The following MOV10L1 variants were observed in gnomAD, a reference collection of about 807,000 sequenced individuals.
The protein encoded by MOV10L1 is RNA helicase Mov10l1.
Under a neutral mutation model 143.8 loss-of-function variants are expected in MOV10L1, and 110 were observed. The ratio of observed to expected loss-of-function variants is 0.76; its 90% CI spans 0.66 to 0.90. MOV10L1 has a LOEUF of 0.90. MOV10L1 is among the 40% of genes least tolerant of loss of function. The pLI is 0.00. For synonymous variants in MOV10L1, 593 were observed against 581.1 expected (o/e 1.02, Z -0.29); for missense variants, 1,406 against 1,526.8 (o/e 0.92, Z 1.32).
chr22:50,153,008 C>T (rs371724179), intron 21 of MOV10L1, 37 bp from the exon 22 acceptor site: 2 of 1,561,550 alleles, frequency 1.3e-6, no homozygotes, highest in African/African-American at 2.7e-5. Context: ...TGCCGGGTAC[C>T]ACCTTCCCCT....
rs1051487683 is a variant in MOV10L1 at position 50,158,825 on chromosome 22, C to G, written c.3216+619C>G. 6 of 152,544 alleles carry G rather than the reference C, an allele frequency of 3.9e-5. No individual in the cohort carries two copies. Among genetic ancestry groups the G allele is most frequent in the African/African-American group, 1.4e-4 (6 of 41,446 alleles). 9.4% of individuals were successfully genotyped at this position (152,544 alleles called of 1,614,324 possible). ...CCCCTAGGCCATCACAGTAACAGAT[C>G]ACCTGTACCGCGCGTGTGCTGACCG... On this transcript the variant is annotated intron_variant, in intron 23 of 26. Transcript: ENST00000262794. This position sits in a 1 kb window ranked among gnomAD's most constrained non-coding sequence, Gnocchi z 5.0.
chr22:50,101,398 G>A (rs1456165034), intron 3 of MOV10L1, among the ~76,000 whole-genome samples: 1 of 151,206 alleles, frequency 6.6e-6, no homozygotes, highest in Non-Finnish European at 1.5e-5. Context: ...TGTATTTTTA[G>A]TAGAGACGGG....
At chr22:50,096,398 G>A (rs2062590106) in intron 2 of MOV10L1, 1 of 152,184 alleles carries the variant, frequency 6.6e-6, no homozygotes, top group South Asian at 2.1e-4. Context: ...TCTGTTGATG[G>A]ACACTTGGGT....
chr22:50,149,789 C>T (rs2063247475), intron 20 of MOV10L1, 75 bp downstream of exon 20: 8 of 1,362,740 alleles, frequency 5.9e-6, no homozygotes, highest in Admixed American at 2.0e-5. Context: ...GCGATCCTGC[C>T]GGGAACAGTC....
At chr22:50,115,558 C>T (rs2062150446) in intron 8 of MOV10L1, among the ~76,000 whole-genome samples, 1 of 152,192 alleles carries the variant, frequency 6.6e-6, no homozygotes, top group East Asian at 1.9e-4. Context: ...CTCAAAAAAA[C>T]AAAAAGGTAC....
rs755848674 is a variant in MOV10L1, at chr22:50,120,511, A to G, written c.1464A>G (p.Arg488=). The change falls in exon 10 of 27, where the codon AGA becomes AGG. Residue 488 remains arginine (R), a synonymous_variant. Transcript: ENST00000262794. ...AACTTAATTTTTTAAGGAACTCAAG[A>G]CGACAACTTCCAAGTTTTCTTCCCC... ...VVVTAQKRNS[R]RQLPSFLPQY... is the part of the protein sequence containing the mutation. 4.4e-6 allele frequency: 7 copies of G among 1,609,178 alleles called. No individual in the cohort carries two copies. Among genetic ancestry groups the G allele is most frequent in the Non-Finnish European group, 5.9e-6 (7 of 1,176,560 alleles).
chr22:50,120,373 A>G (rs2062304457), intron 9 of MOV10L1, 129 bp from the exon 10 acceptor site: 8 of 640,454 alleles, frequency 1.2e-5, no homozygotes, highest in Non-Finnish European at 1.9e-5. Context: ...AGCTATTCAT[A>G]TATCAGTTCT....
rs1224732245 is a variant in MOV10L1, at chr22:50,090,080, G to A, written c.-9G>A. On this transcript the variant is annotated 5_prime_UTR_variant, in exon 1 of 27. Coordinates refer to ENST00000262794, the MANE Select transcript of MOV10L1 (RefSeq NM_018995.3). ...CGGCGGTGACGGCAGCCTAGGCCGG[G>A]CGAGGGCCATGCTGAGCCTCGCAGC... 2 of 1,289,190 alleles carry A rather than the reference G, an allele frequency of 1.6e-6. No homozygotes were observed. The highest frequency in any genetic ancestry group is 2.5e-5 in the South Asian group (1 of 40,134). The allele number at this position is 1,289,190 out of a possible 1,614,324, so 79.9% of individuals were successfully genotyped here.
intron 12 of MOV10L1, 117 bp from the exon 13 acceptor site, chr22:50,128,299 T>A (rs2062570055): frequency 1.6e-6 from 1 of 640,146 alleles, no homozygotes; most frequent in Admixed American, 2.9e-5. Context: ...TTTCAACTAA[T>A]TTTGCAGATA....
intron 2 of MOV10L1, chr22:50,094,285 G>A (rs1247658111): frequency 1.3e-5 from 2 of 151,744 alleles, no homozygotes; most frequent in African/African-American, 4.8e-5. Context: ...CTTCTTTTAG[G>A]TCCTGTAAAT....
intron 3 of MOV10L1, among the ~76,000 whole-genome samples, chr22:50,107,501 T>G (rs79891771): frequency 1.3e-5 from 2 of 152,158 alleles, no homozygotes; most frequent in African/African-American, 2.4e-5. Flanking sequence ...TTTTTTTTTT[T>G]GAGCTTCCAG....
intron 19 of MOV10L1, 121 bp from the exon 20 acceptor site, chr22:50,149,494 A>T: frequency 1.1e-6 from 1 of 886,818 alleles, no homozygotes; most frequent in Non-Finnish European, 1.7e-6. Flanking sequence ...CAGCTCCTGC[A>T]CACCCCTGGG....
In MOV10L1 at chr22:50,090,166, G is replaced by C. The variant is rs1192474039; in HGVS notation, c.78G>C (p.Leu26=). The change falls in exon 1 of 27, where the codon CTG becomes CTC. Residue 26 remains leucine, a synonymous_variant. Coordinates refer to ENST00000262794, the MANE Select transcript of MOV10L1 (RefSeq NM_018995.3). ...CCCCTAGGGAGGAAGCCGGGCAGCT[G>C]GAGCCCGAGCTCGCGGAAGGTGGCT... ...ADTPREEAGQ[L]EPELAEGDTK... 7.0e-7 allele frequency: 1 copy of C among 1,421,922 alleles called. No homozygotes were observed. The highest frequency in any genetic ancestry group is 9.2e-7 in the Non-Finnish European group (1 of 1,089,792). 88.1% of individuals were successfully genotyped at this position (1,421,922 alleles called of 1,614,324 possible).
chr22:50,139,149 G>T (rs1162211412), intron 15 of MOV10L1, among the ~76,000 whole-genome samples: 1 of 152,048 alleles, frequency 6.6e-6, no homozygotes, highest in African/African-American at 2.4e-5. Flanking sequence ...CAAGTTACCT[G>T]TTTTACCTCA....
intron 6 of MOV10L1, 115 bp downstream of exon 6, chr22:50,113,903 AGATCT>A: frequency 2.4e-6 from 2 of 843,546 alleles, no homozygotes; most frequent in Admixed American, 3.9e-5. Context: ...TTCTTTATGA[AGATCT>A]TTTCTTTTTT....
rs766278930 is a variant in MOV10L1, at chr22:50,128,511, A to G, written c.1910+4A>G. The G allele has an allele frequency of 9.9e-6, 13 of 1,312,450 alleles. No individual in the cohort carries two copies. In the Admixed American group the frequency reaches 1.4e-4, roughly 14 times the overall value. The allele number at this position is 1,312,450 out of a possible 1,614,324, so 81.3% of individuals were successfully genotyped here. On this transcript the variant is annotated splice_donor_region_variant and intron_variant, in intron 13 of 26. Transcript: ENST00000262794. ...ATGTGGAATTTACATATAATAGGTA[A>G]TGCTTTTAGTGAGTCTTCTTTCAAA... is the stretch of plus-strand genomic sequence containing the variant.
intron 13 of MOV10L1, 140 bp from the exon 14 acceptor site, chr22:50,133,867 A>G (rs1290489971): frequency 1.1e-5 from 8 of 743,364 alleles, no homozygotes; most frequent in South Asian, 1.7e-5. Context: ...TCTGTTCTCT[A>G]TTTCATTGAT....
rs1201466020 is a variant in MOV10L1 at position 50,090,031 on chromosome 22, GCGGGCGC to G, written c.-57_-51del. 2.2e-5 allele frequency: 26 copies of G among 1,163,294 alleles called. No homozygotes were observed. The highest frequency in any genetic ancestry group is 8.3e-5 in the East Asian group (2 of 24,118). 72.1% of individuals were successfully genotyped at this position (1,163,294 alleles called of 1,614,324 possible). On this transcript the variant is annotated 5_prime_UTR_variant, in exon 1 of 27. Transcript: ENST00000262794. ...ATTGGTGGCGGGCGGCGGGAGCGGC[GCGGGCGC>G]GTGCGGGCGGCGGCAGCGGCGGTGA... is the stretch of plus-strand genomic sequence containing the variant.
At chr22:50,134,507 C>A in intron 14 of MOV10L1, 23 bp from the exon 15 acceptor site, 1 of 1,603,364 alleles carries the variant, frequency 6.2e-7, no homozygotes, top group Non-Finnish European at 8.5e-7. Flanking sequence ...TACCCGTGCT[C>A]TTACCATTTT....
Sources: allele counts gnomAD v4.1 joint callset (sites outside exome capture counted in the v4.1 genomes callset), GRCh38; gene constraint gnomAD v4.1.1; non-coding constraint Gnocchi (gnomAD v3.1); transcripts MANE v1.5; gene names NCBI Gene and HGNC (gene_info 2026-07-23, HGNC 2026-07-21).